ATP9A: variants seen among roughly 807,000 people sequenced by gnomAD.
The protein encoded by ATP9A is ATPase phospholipid transporting 9A.
Under a neutral mutation model 144.1 loss-of-function variants are expected in ATP9A, and 52 were observed. The observed-to-expected ratio is 0.36, with a 90% CI of 0.29 to 0.45. The LOEUF (loss-of-function observed/expected upper bound fraction) is 0.45, where lower values mean the gene tolerates loss of function less well. Ranked by LOEUF, ATP9A falls within the 20% of genes least tolerant of loss-of-function variation. The pLI is 1.00. For missense variants in ATP9A, 947 were observed against 1,392.7 expected, an observed-to-expected ratio of 0.68 and a Z score of 5.09; for synonymous variants, 582 against 557.4, an observed-to-expected ratio of 1.04 and a Z score of -0.62.
intron 1 of ATP9A, among the ~76,000 whole-genome samples, chr20:51,760,631 G>A (rs2077875650): frequency 1.3e-5 from 2 of 151,654 alleles, no homozygotes; most frequent in Admixed American, 1.3e-4. Flanking sequence ...GGAGGCTGAG[G>A]CAGGAGAATC....
intron 19 of ATP9A, among the ~76,000 whole-genome samples, chr20:51,619,690 GA>G (rs1230943367): frequency 6.6e-6 from 1 of 151,336 alleles, no homozygotes; most frequent in Non-Finnish European, 1.5e-5. Context: ...CCCACATGGA[GA>G]AACCCCATCT....
In ATP9A at chr20:51,618,699, C is replaced by T; in HGVS notation, c.2313G>A (p.Leu771=). ...TGAGCTTGCCCGTGCGCTCCTGAAG[C>T]AGGCGCACGATCTGGGCCTTCTGGG... ...APTQKAQIVR[L]LQERTGKLTC... The change falls in exon 21 of 28, where the codon CTG becomes CTA. Residue 771 remains leucine, a synonymous_variant. Coordinates refer to ENST00000338821, the MANE Select transcript of ATP9A (RefSeq NM_006045.3). The T allele has an allele frequency of 1.2e-6, 2 of 1,613,478 alleles. No homozygotes were observed. The highest frequency in any genetic ancestry group is 4.5e-5 in the East Asian group (2 of 44,864).
intron 2 of ATP9A, among the ~76,000 whole-genome samples, chr20:51,728,560 G>A (rs748559475): frequency 6.6e-5 from 10 of 151,060 alleles, no homozygotes; most frequent in Non-Finnish European, 1.0e-4. Context: ...CCCAGGAGGC[G>A]GAGGTTGCAG....
chr20:51,765,570 T>G (rs141478685), intron 1 of ATP9A, among the ~76,000 whole-genome samples: 1,958 of 144,786 alleles, frequency 0.014, 21 homozygotes, highest in Middle Eastern at 0.019. Context: ...GAGAATCGCT[T>G]GAACCTGGAA....
intron 9 of ATP9A, among the ~76,000 whole-genome samples, chr20:51,677,412 G>A (rs978825809): frequency 7.9e-5 from 12 of 152,202 alleles, no homozygotes; most frequent in African/African-American, 2.9e-4. Flanking sequence ...TAAGCTAGTA[G>A]CTACCTCATG....
At chr20:51,711,851 A>C (rs2077640000) in intron 4 of ATP9A, among the ~76,000 whole-genome samples, 1 of 135,008 alleles carries the variant, frequency 7.4e-6, no homozygotes, top group African/African-American at 2.7e-5. Flanking sequence ...TTTCAATTTC[A>C]ATTTTTTTTT....
chr20:51,676,023 G>A (rs1438082595), intron 10 of ATP9A, 109 bp downstream of exon 10: 2 of 758,810 alleles, frequency 2.6e-6, no homozygotes, highest in East Asian at 2.6e-5. Flanking sequence ...AAGATAAAAT[G>A]TCTGTATAAA....
intron 1 of ATP9A, among the ~76,000 whole-genome samples, chr20:51,763,347 G>C (rs1159015452): frequency 2.1e-5 from 3 of 144,494 alleles, no homozygotes; most frequent in Non-Finnish European, 3.0e-5. Flanking sequence ...GAGTCTCGCT[G>C]TGTCGCCCAG....
chr20:51,652,846 C>T (rs570800808), intron 14 of ATP9A, among the ~76,000 whole-genome samples: 1 of 151,886 alleles, frequency 6.6e-6, no homozygotes, highest in East Asian at 1.9e-4. Flanking sequence ...CAGTGGCTCA[C>T]GCCTGTAATC....
rs146487272 is a variant in ATP9A at position 51,628,696 on chromosome 20, T to A, written c.1761+284A>T. Among the ~76,000 whole-genome samples, 290 of 152,310 alleles carry A rather than the reference T, an allele frequency of 1.9e-3. 1 individual carries two copies. The highest frequency in any genetic ancestry group is 6.6e-3 in the African/African-American group (275 of 41,562). On this transcript the variant is annotated intron_variant, in intron 16 of 27. Transcript: ENST00000338821. The stretch of plus-strand genomic sequence containing the variant: ...ACAACTGAGCTTGCTCACAAATGGA[T>A]CCTGCCCTGGTCAAGTCTTGAGATG...
chr20:51,675,237 T>C (rs2122793498), intron 10 of ATP9A, among the ~76,000 whole-genome samples: 2 of 152,222 alleles, frequency 1.3e-5, no homozygotes, highest in South Asian at 4.1e-4. Context: ...AAACAAACGA[T>C]TTTATAGTTG....
chr20:51,711,006 G>C (rs1392865539), intron 4 of ATP9A, among the ~76,000 whole-genome samples: 1 of 152,062 alleles, frequency 6.6e-6, no homozygotes, highest in East Asian at 1.9e-4. Flanking sequence ...GTTATAGTAA[G>C]AATATGTTAT....
chr20:51,626,263 C>A (rs1241935204), intron 17 of ATP9A, among the ~76,000 whole-genome samples: 1 of 152,110 alleles, frequency 6.6e-6, no homozygotes, highest in Non-Finnish European at 1.5e-5. Context: ...CCGAGGCAGG[C>A]AGATCACCTG....
chr20:51,721,924 A>G (rs923125191), intron 3 of ATP9A, among the ~76,000 whole-genome samples: 4 of 152,186 alleles, frequency 2.6e-5, no homozygotes, highest in African/African-American at 9.6e-5. Flanking sequence ...GTATCACACT[A>G]CCTGATTTCA....
chr20:51,622,665 G>A (rs1276773785), intron 18 of ATP9A, among the ~76,000 whole-genome samples: 1 of 152,108 alleles, frequency 6.6e-6, no homozygotes. Context: ...AGGTTCTTCC[G>A]TATCGTGCAT....
intron 15 of ATP9A, 74 bp downstream of exon 15, chr20:51,639,269 T>C: frequency 2.8e-6 from 4 of 1,450,026 alleles, no homozygotes; most frequent in Non-Finnish European, 3.8e-6. Flanking sequence ...TTAGAAAGAA[T>C]GTCAACCCAC....
At chr20:51,610,878 T>C (rs752541764) in intron 23 of ATP9A, among the ~76,000 whole-genome samples, 3 of 152,184 alleles carry the variant, frequency 2.0e-5, no homozygotes, top group Non-Finnish European at 2.9e-5. Flanking sequence ...ATTTTTGCAA[T>C]TAGACAAAAG....
intron 1 of ATP9A, among the ~76,000 whole-genome samples, chr20:51,760,725 CAAA>C (rs397864467): frequency 9.5e-6 from 1 of 105,458 alleles, no homozygotes; most frequent in African/African-American, 3.6e-5. Context: ...GACTCCGTCT[CAAA>C]AAAAAAAAAA....
intron 14 of ATP9A, among the ~76,000 whole-genome samples, chr20:51,655,016 G>A (rs944742211): frequency 6.6e-6 from 1 of 152,068 alleles, no homozygotes; most frequent in African/African-American, 2.4e-5. Flanking sequence ...ACCCAATCAC[G>A]CCACTTCTAG....
Sources: allele counts gnomAD v4.1 joint callset (sites outside exome capture counted in the v4.1 genomes callset), GRCh38; gene constraint gnomAD v4.1.1; transcripts MANE v1.5; gene names NCBI Gene and HGNC (gene_info 2026-07-23, HGNC 2026-07-21).